The following CD2AP variants were observed in gnomAD, a reference collection of about 807,000 sequenced individuals.
The protein encoded by CD2AP is CD2-associated protein.
A neutral mutation model predicts 85.1 loss-of-function variants in CD2AP; 46 were observed. That is an observed-to-expected ratio of 0.54 (90% confidence interval 0.43 to 0.69). CD2AP has a LOEUF of 0.69. CD2AP is among the 30% of genes least tolerant of loss of function. The probability of loss-of-function intolerance (pLI) is 0.00; values close to 1 mark genes in which losing one functional copy is unlikely to be tolerated. For synonymous variants in CD2AP, 255 were observed against 252.9 expected, an observed-to-expected ratio of 1.01 and a Z score of -0.08; for missense variants, 769 against 729.5, an observed-to-expected ratio of 1.05 and a Z score of -0.62.
At chr6:47,551,529 A>C (rs1288012805) in intron 4 of CD2AP, among the ~76,000 whole-genome samples, 1 of 152,200 alleles carries the variant, frequency 6.6e-6, no homozygotes, top group African/African-American at 2.4e-5. Flanking sequence ...AGTTTTAAAA[A>C]ACCTAAGAAG....
chr6:47,482,450 C>G (rs1414764408), intron 1 of CD2AP, among the ~76,000 whole-genome samples: 1 of 149,688 alleles, frequency 6.7e-6, no homozygotes, highest in Admixed American at 6.7e-5. Flanking sequence ...GCGATCTCGG[C>G]TCACTGCAAC....
chr6:47,593,100 C>T (rs898871704), intron 11 of CD2AP, among the ~76,000 whole-genome samples: 6 of 152,120 alleles, frequency 3.9e-5, no homozygotes, highest in Non-Finnish European at 7.4e-5. Flanking sequence ...AATTATAGGA[C>T]ACTCAGCTGG....
intron 11 of CD2AP, among the ~76,000 whole-genome samples, chr6:47,585,108 A>G (rs889007816): frequency 1.3e-5 from 2 of 151,780 alleles, no homozygotes; most frequent in Non-Finnish European, 2.9e-5. Context: ...CCTGGCTAAC[A>G]CGGTGAAACC....
intron 3 of CD2AP, among the ~76,000 whole-genome samples, chr6:47,541,442 T>C (rs1767213994): frequency 1.3e-5 from 2 of 152,174 alleles, no homozygotes; most frequent in African/African-American, 4.8e-5. Context: ...TTCTTTGGCT[T>C]CTTTTATTAT....
chr6:47,575,886 A>C (rs1000085230), intron 6 of CD2AP, among the ~76,000 whole-genome samples: 1 of 152,140 alleles, frequency 6.6e-6, no homozygotes, highest in African/African-American at 2.4e-5. Flanking sequence ...CTGGGTTAAA[A>C]TCTGGGCTTT....
chr6:47,615,629 T>G (rs9473139), intron 17 of CD2AP, among the ~76,000 whole-genome samples: 1 of 151,604 alleles, frequency 6.6e-6, no homozygotes, highest in African/African-American at 2.4e-5. Context: ...ATGGATCATC[T>G]AAACACCCCA....
chr6:47,590,438 G>A (rs1768762780), intron 11 of CD2AP, among the ~76,000 whole-genome samples: 1 of 151,900 alleles, frequency 6.6e-6, no homozygotes, highest in Admixed American at 6.6e-5. Context: ...TAGAAAATAT[G>A]GAAAAGACCT....
chr6:47,579,948 T>G (rs116446603), intron 9 of CD2AP: 2,796 of 166,592 alleles, frequency 0.017, 41 homozygotes, highest in Non-Finnish European at 0.027. Flanking sequence ...AAAGTGAGGC[T>G]GAGTCATTCA....
At chr6:47,589,413 T>C (rs147259877) in intron 11 of CD2AP, among the ~76,000 whole-genome samples, 1 of 33,006 alleles carries the variant, frequency 3.0e-5, no homozygotes, top group East Asian at 1.2e-3. Flanking sequence ...TACACACACA[T>C]ATATATACAC....
chr6:47,601,165 A>G lies in CD2AP; in HGVS notation c.1417+1722A>G, dbSNP rs570375074. ...TATATGTAATAATTTCAAACTATTG[A>G]TGATTGGAAAGTTCTGTTTTTACTT... On this transcript the variant is annotated intron_variant, in intron 13 of 17. Coordinates refer to ENST00000359314, the MANE Select transcript of CD2AP (RefSeq NM_012120.3). 7.9e-5 allele frequency among the ~76,000 whole-genome samples: 12 copies of G among 151,960 alleles called. No homozygotes were observed. The East Asian group carries it at 2.1e-3, about 27-fold the overall frequency.
chr6:47,534,563 G>A (rs1274736131), intron 3 of CD2AP, among the ~76,000 whole-genome samples: 1 of 152,050 alleles, frequency 6.6e-6, no homozygotes, highest in African/African-American at 2.4e-5. Flanking sequence ...AAATTAGCCG[G>A]GCGTGGAGGA....
chr6:47,543,181 A>G (rs1156922027), intron 3 of CD2AP, among the ~76,000 whole-genome samples: 1 of 77,636 alleles, frequency 1.3e-5, no homozygotes, highest in East Asian at 2.7e-4. Context: ...AAGAAAAAGA[A>G]AAAAGAAAAA....
At chr6:47,565,944 A>G (rs1767981625) in intron 5 of CD2AP, among the ~76,000 whole-genome samples, 1 of 151,958 alleles carries the variant, frequency 6.6e-6, no homozygotes, top group Non-Finnish European at 1.5e-5. Flanking sequence ...TGGCATCCCC[A>G]TATCCCTCCC....
At chr6:47,586,432 G>C (rs1372749502) in intron 11 of CD2AP, among the ~76,000 whole-genome samples, 1 of 152,090 alleles carries the variant, frequency 6.6e-6, no homozygotes, top group East Asian at 1.9e-4. Context: ...TTACTTACCT[G>C]TAATTGGGGT....
chr6:47,520,417 C>T (rs1316128230), intron 2 of CD2AP, among the ~76,000 whole-genome samples: 12 of 152,128 alleles, frequency 7.9e-5, no homozygotes, highest in Admixed American at 4.6e-4. Flanking sequence ...TGACAGTTGT[C>T]GGGAGGGGCT....
At chr6:47,531,164 C>A (rs1438718197) in intron 2 of CD2AP, among the ~76,000 whole-genome samples, 2 of 152,046 alleles carry the variant, frequency 1.3e-5, no homozygotes, top group African/African-American at 4.8e-5. Context: ...TAAGAATTCT[C>A]ATTTTCAATT....
intron 17 of CD2AP, among the ~76,000 whole-genome samples, chr6:47,623,257 CTGTT>C (rs1357751829): frequency 1.3e-5 from 2 of 152,160 alleles, no homozygotes; most frequent in Admixed American, 1.3e-4. Flanking sequence ...TAATAATGTG[CTGTT>C]TGTCGAAGCT....
chr6:47,545,103 AT>A (rs1767329916), intron 4 of CD2AP: 1 of 181,104 alleles, frequency 5.5e-6, no homozygotes, highest in South Asian at 1.1e-4. Flanking sequence ...ACTTTCCTAT[AT>A]TTTGATATCT....
intron 5 of CD2AP, among the ~76,000 whole-genome samples, chr6:47,568,285 T>C (rs758562758): frequency 5.3e-5 from 8 of 152,230 alleles, no homozygotes; most frequent in Non-Finnish European, 1.0e-4. Context: ...TTTACTACCA[T>C]GTTGGCTATT....
Sources: allele counts gnomAD v4.1 joint callset (sites outside exome capture counted in the v4.1 genomes callset), GRCh38; gene constraint gnomAD v4.1.1; transcripts MANE v1.5; gene names NCBI Gene and HGNC (gene_info 2026-07-23, HGNC 2026-07-21).